Variants in FRMD4A observed in about 807,000 individuals in gnomAD.
FRMD4A encodes FERM domain-containing protein 4A.
A neutral mutation model predicts 129.1 loss-of-function variants in FRMD4A; 29 were observed. The ratio of observed to expected loss-of-function variants is 0.22; its 90% CI spans 0.17 to 0.31. FRMD4A has a LOEUF of 0.31. Among genes scored for constraint, FRMD4A ranks in the 10% least tolerant of loss-of-function variants. The pLI, the probability that FRMD4A is intolerant of heterozygous loss-of-function variation, is 1.00. For synonymous variants in FRMD4A, 634 were observed against 571.6 expected (o/e 1.11, Z -1.56); for missense variants, 1,272 against 1,375.8 (o/e 0.92, Z 1.19).
At chr10:14,294,347 T>A (rs1845941993) in intron 2 of FRMD4A, among the ~76,000 whole-genome samples, 1 of 152,188 alleles carries the variant, frequency 6.6e-6, no homozygotes, top group Non-Finnish European at 1.5e-5. Flanking sequence ...CTGCTTAGTG[T>A]GAACTAATAA....
At position 13,666,100 on chromosome 10, in the gene FRMD4A, C is replaced by T. The variant is rs1364788739; in HGVS notation, c.1600G>A (p.Asp534Asn). The change falls in exon 18 of 25, where the codon GAC becomes AAC. Residue 534 changes from aspartate (D) to asparagine (N), a missense_variant. By Grantham distance (23) the Asp-to-Asn change is conservative. This residue lies in a region of FRMD4A where 972 missense variants were observed against 892.3 expected (regional missense o/e 1.09). Transcript: ENST00000357447. The stretch of plus-strand genomic sequence containing the variant: ...GGGCAGCCCGGTTGGCACTGACCGT[C>T]TATGATCAGCGAAGCCCTCTGGGTG... ...KPTQRASLII[D>N]DGNIASEDSS... 1.3e-6 allele frequency: 2 copies of T among 1,594,116 alleles called. No individual in the cohort carries two copies. Among genetic ancestry groups the T allele is most frequent in the Admixed American group, 1.7e-5 (1 of 59,972 alleles).
chr10:13,657,227 G>A lies in FRMD4A; in HGVS notation c.2362C>T (p.Arg788Trp). ...KARQRQRQRQ[R>W]AAGALGSASS... The stretch of plus-strand genomic sequence containing the variant: ...GCTGAGCCCAGTGCGCCCGCCGCCC[G>A]CTGCCGCTGCCTCTGCCTCTGGCGC... Residue 788 changes from arginine (R) to tryptophan (W), a missense_variant, in exon 22 of 25, where the codon CGG becomes TGG. Coordinates refer to ENST00000357447, the MANE Select transcript of FRMD4A (RefSeq NM_018027.5). The A allele has an allele frequency of 5.1e-6, 8 of 1,560,576 alleles. No homozygotes were observed. Among genetic ancestry groups the A allele is most frequent in the East Asian group, 2.4e-5 (1 of 42,086 alleles).
chr10:13,698,528 G>A (rs149767410), intron 14 of FRMD4A, among the ~76,000 whole-genome samples: 4 of 152,316 alleles, frequency 2.6e-5, no homozygotes, highest in Non-Finnish European at 4.4e-5. Context: ...CAAAGGGTAC[G>A]TCATCATCTC....
intron 2 of FRMD4A, among the ~76,000 whole-genome samples, chr10:13,997,966 A>G (rs923853129): frequency 9.2e-5 from 14 of 152,190 alleles, no homozygotes; most frequent in Non-Finnish European, 1.8e-4. Flanking sequence ...CAATGCTGCA[A>G]TAAGGTGATT....
At chr10:13,689,201 G>GGGGGGGGTGGGGGGGT (rs2085407418) in intron 15 of FRMD4A, among the ~76,000 whole-genome samples, 1 of 15,060 alleles carries the variant, frequency 6.6e-5, no homozygotes, top group African/African-American at 3.0e-4. Flanking sequence ...CTCTTTGCGG[G>GGGGGGGGTGGGGGGGT]GGGGGGGGGG....
intron 2 of FRMD4A, among the ~76,000 whole-genome samples, chr10:14,275,916 G>C (rs1031330853): frequency 2.9e-4 from 44 of 152,202 alleles, no homozygotes; most frequent in African/African-American, 1.1e-3. Flanking sequence ...ATGCATGCCT[G>C]CAGTCTCAGC....
intron 2 of FRMD4A, among the ~76,000 whole-genome samples, chr10:14,281,080 C>T (rs1430430271): frequency 6.7e-6 from 1 of 149,922 alleles, no homozygotes; most frequent in African/African-American, 2.5e-5. Context: ...ACAACCTCCA[C>T]CTCCTGGGTT....
At chr10:14,330,451 C>A in intron 1 of FRMD4A, 146 bp downstream of exon 1, 1 of 403,750 alleles carries the variant, frequency 2.5e-6, no homozygotes, top group Non-Finnish European at 4.4e-6. Flanking sequence ...TAACTGCTAC[C>A]TTCGCCCTGG....
At chr10:13,959,642 G>A (rs1168763717) in intron 2 of FRMD4A, among the ~76,000 whole-genome samples, 2 of 151,904 alleles carry the variant, frequency 1.3e-5, no homozygotes, top group Non-Finnish European at 1.5e-5. Context: ...GGGTTTACCC[G>A]CTTCATGAGC....
chr10:13,825,052 T>C (rs2093681802), intron 3 of FRMD4A, among the ~76,000 whole-genome samples: 1 of 152,182 alleles, frequency 6.6e-6, no homozygotes, highest in South Asian at 2.1e-4. Context: ...CCTGAAACCA[T>C]GGGTAACACC....
At chr10:13,677,814 G>C (rs1391718100) in intron 15 of FRMD4A, among the ~76,000 whole-genome samples, 1 of 152,086 alleles carries the variant, frequency 6.6e-6, no homozygotes, top group Non-Finnish European at 1.5e-5. Context: ...ATCATTGAAA[G>C]AATTAATAAG....
intron 2 of FRMD4A, among the ~76,000 whole-genome samples, chr10:14,197,279 T>G (rs1365764725): frequency 1.3e-5 from 2 of 152,222 alleles, no homozygotes; most frequent in African/African-American, 4.8e-5. Context: ...ACGTGATAAC[T>G]TTTAAGGGCA....
intron 19 of FRMD4A, among the ~76,000 whole-genome samples, chr10:13,662,456 A>T (rs1489384539): frequency 6.6e-6 from 1 of 152,132 alleles, no homozygotes; most frequent in East Asian, 1.9e-4. Flanking sequence ...AGGGCAAAAA[A>T]ATTAACTGCC....
chr10:14,231,132 T>A (rs543557999), intron 2 of FRMD4A, among the ~76,000 whole-genome samples: 276 of 152,304 alleles, frequency 1.8e-3, no homozygotes, highest in African/African-American at 6.3e-3. Context: ...CCTTTGGATG[T>A]ATATCCAGTA....
chr10:14,027,626 CA>C (rs1405635715), intron 2 of FRMD4A, among the ~76,000 whole-genome samples: 1 of 152,142 alleles, frequency 6.6e-6, no homozygotes, highest in Admixed American at 6.5e-5. Flanking sequence ...CAAACAAAAA[CA>C]AAAACAAAAA....
intron 2 of FRMD4A, among the ~76,000 whole-genome samples, chr10:14,272,458 C>T (rs144791560): frequency 3.2e-4 from 48 of 152,212 alleles, no homozygotes; most frequent in African/African-American, 1.0e-3. Context: ...TGAAAGATGA[C>T]GAAATGGAGG....
At chr10:13,818,142 A>G (rs1276796965) in intron 3 of FRMD4A, among the ~76,000 whole-genome samples, 3 of 152,068 alleles carry the variant, frequency 2.0e-5, no homozygotes, top group African/African-American at 7.2e-5. Flanking sequence ...AAGAATTCCT[A>G]TACTAAGACA....
intron 5 of FRMD4A, among the ~76,000 whole-genome samples, chr10:13,793,843 A>C (rs79744361): frequency 0.032 from 4,868 of 152,286 alleles, 105 homozygotes; most frequent in Middle Eastern, 0.054. Context: ...CAGGATGAAA[A>C]GCAAGGTAAA....
intron 2 of FRMD4A, among the ~76,000 whole-genome samples, chr10:14,057,926 C>T (rs191218657): frequency 9.9e-5 from 15 of 152,258 alleles, no homozygotes; most frequent in Middle Eastern, 3.4e-3. Context: ...ATTCAGTTTG[C>T]GTGTCTGCGT....
Sources: allele counts gnomAD v4.1 joint callset (sites outside exome capture counted in the v4.1 genomes callset), GRCh38; gene constraint gnomAD v4.1.1; regional missense constraint gnomAD v4.1.1; transcripts MANE v1.5; gene names NCBI Gene and HGNC (gene_info 2026-07-23, HGNC 2026-07-21).